ANKIB1: variants seen among roughly 807,000 people sequenced by gnomAD.
The protein encoded by ANKIB1 is ankyrin repeat and IBR domain containing 1, also known as ankyrin repeat and IBR domain-containing protein 1.
A neutral mutation model predicts 122.1 loss-of-function variants in ANKIB1; 43 were observed. The observed-to-expected ratio is 0.35, with a 90% CI of 0.28 to 0.45. The LOEUF is 0.45. ANKIB1 is among the 20% of genes least tolerant of loss of function. The pLI is 1.00. For synonymous variants in ANKIB1, 390 were observed against 442.0 expected (o/e 0.88, Z 1.48); for missense variants, 992 against 1,329.5 (o/e 0.75, Z 3.95).
rs199977126 is a variant in ANKIB1 at position 92,346,891 on chromosome 7, A to G, written c.1085+1825A>G. 2.6e-5 allele frequency among the ~76,000 whole-genome samples: 4 copies of G among 152,342 alleles called. No homozygotes were observed. The East Asian group carries it at 5.8e-4, about 22-fold the overall frequency. ...AAATGTATGGTAAGATTTAAATTTGAAAGATCTAATTATTGGTTTCCTTAG... is the reference window on the plus strand; with the variant it reads ...AAATGTATGGTAAGATTTAAATTTGGAAGATCTAATTATTGGTTTCCTTAG... On this transcript the variant is annotated intron_variant, in intron 7 of 19. Transcript: ENST00000265742.
At chr7:92,365,462 T>G (rs1378919530) in intron 10 of ANKIB1, among the ~76,000 whole-genome samples, 1 of 152,216 alleles carries the variant, frequency 6.6e-6, no homozygotes, top group Non-Finnish European at 1.5e-5. Context: ...ATACAATCAC[T>G]TTAGTGATGC....
intron 7 of ANKIB1, among the ~76,000 whole-genome samples, chr7:92,349,522 T>C (rs1803613679): frequency 6.6e-6 from 1 of 152,188 alleles, no homozygotes; most frequent in African/African-American, 2.4e-5. Context: ...AATCAAAATG[T>C]TGATGGTGAG....
Position 92,398,905 on chromosome 7 carries a change from C to T in ANKIB1, c.3226C>T (p.Pro1076Ser), listed in dbSNP as rs1438468602. ...GDGSDVSSQT[P>S]QTSSDWLEQV... is the part of the protein sequence containing the mutation. The stretch of plus-strand genomic sequence containing the variant: ...TGGTTCAGATGTTTCAAGTCAAACA[C>T]CTCAAACCTCAAGTGACTGGCTTGA... Residue 1076 changes from proline (P) to serine (S), a missense_variant, in exon 20 of 20, where the codon CCT (proline) becomes TCT (serine). Coordinates refer to ENST00000265742, the MANE Select transcript of ANKIB1 (RefSeq NM_019004.2). 5.0e-6 allele frequency: 8 copies of T among 1,599,492 alleles called. No homozygotes were observed. The highest frequency in any genetic ancestry group is 6.8e-6 in the Non-Finnish European group (8 of 1,172,870).
chr7:92,310,140 T>G (rs1469770848), intron 3 of ANKIB1, among the ~76,000 whole-genome samples: 3 of 151,808 alleles, frequency 2.0e-5, no homozygotes, highest in Non-Finnish European at 4.4e-5. Flanking sequence ...AGGTTTATAC[T>G]GTACTATCTG....
chr7:92,254,240 C>T (rs557358604), intron 1 of ANKIB1, among the ~76,000 whole-genome samples: 5 of 152,278 alleles, frequency 3.3e-5, no homozygotes, highest in African/African-American at 1.2e-4. Flanking sequence ...AAATAACATA[C>T]TGTTTTGAGA....
rs1384235117 is a variant in ANKIB1 at position 92,400,389 on chromosome 7, T to G, written c.*1440T>G. 4 of 152,222 alleles carry G rather than the reference T, an allele frequency of 2.6e-5. No individual in the cohort carries two copies. Among genetic ancestry groups the G allele is most frequent in the Non-Finnish European group, 5.9e-5 (4 of 68,038 alleles). The allele number at this position is 152,222 out of a possible 1,614,324, so 9.4% of individuals were successfully genotyped here. ...AAACTGTTGGAATGGCTGTTTTACTTAAATATTATCAAAACTAGCATAACA... is the reference window on the plus strand; with the variant it reads ...AAACTGTTGGAATGGCTGTTTTACTGAAATATTATCAAAACTAGCATAACA... On this transcript the variant is annotated 3_prime_UTR_variant, in exon 20 of 20. Transcript: ENST00000265742.
At chr7:92,307,138 A>T (rs1416757895) in intron 2 of ANKIB1, among the ~76,000 whole-genome samples, 1 of 152,118 alleles carries the variant, frequency 6.6e-6, no homozygotes, top group Non-Finnish European at 1.5e-5. Flanking sequence ...CAAGTAGTAT[A>T]AAGATATTTA....
chr7:92,339,378 A>C (rs1803387368), intron 5 of ANKIB1, among the ~76,000 whole-genome samples: 2 of 151,934 alleles, frequency 1.3e-5, no homozygotes, highest in Non-Finnish European at 2.9e-5. Flanking sequence ...AACCATGTGA[A>C]CCCTATACTT....
Position 92,324,925 on chromosome 7 carries a change from G to T in ANKIB1, c.670-2858G>T, listed in dbSNP as rs189800142. Among the ~76,000 whole-genome samples, 13 of 152,292 alleles carry T rather than the reference G, an allele frequency of 8.5e-5. No homozygotes were observed. The East Asian group carries it at 2.5e-3, about 29-fold the overall frequency. On this transcript the variant is annotated intron_variant, in intron 4 of 19. Transcript: ENST00000265742. ...AAGTGACTACACTCTAGGTGTTTAC[G>T]TTCCAACAGGGAGAGAGAAACACAC... is the stretch of plus-strand genomic sequence containing the variant.
chr7:92,365,775 T>G (rs998094046), intron 10 of ANKIB1, among the ~76,000 whole-genome samples: 1 of 147,254 alleles, frequency 6.8e-6, no homozygotes, highest in African/African-American at 2.5e-5. Context: ...AGTTATAAGA[T>G]ATATTAAATA....
intron 11 of ANKIB1, among the ~76,000 whole-genome samples, chr7:92,377,526 CCTT>C (rs1416692410): frequency 6.6e-6 from 1 of 152,050 alleles, no homozygotes; most frequent in Non-Finnish European, 1.5e-5. Flanking sequence ...GACCAGTAGA[CCTT>C]CTTCATGGAG....
chr7:92,322,110 G>A (rs1357106046), intron 4 of ANKIB1, among the ~76,000 whole-genome samples: 1 of 151,990 alleles, frequency 6.6e-6, no homozygotes, highest in African/African-American at 2.4e-5. Context: ...CCATTATCTT[G>A]CGTCAAACAG....
chr7:92,300,668 T>G (rs1264971504), intron 2 of ANKIB1, among the ~76,000 whole-genome samples: 1 of 152,164 alleles, frequency 6.6e-6, no homozygotes, highest in Non-Finnish European at 1.5e-5. Flanking sequence ...GTCAAGCTAC[T>G]TAACATATTT....
intron 12 of ANKIB1, 105 bp downstream of exon 12, chr7:92,386,748 G>A (rs1804660472): frequency 9.2e-7 from 1 of 1,089,778 alleles, no homozygotes; most frequent in South Asian, 3.1e-5. Flanking sequence ...GTATTAAATT[G>A]AATATACTTT....
chr7:92,287,298 T>C lies in ANKIB1; in HGVS notation c.-90-7591T>C, dbSNP rs567806419. On this transcript the variant is annotated intron_variant, in intron 1 of 19. Transcript: ENST00000265742. ...TAGGGCCCTATATGGCATTTAGTTTTCATTCTCCTTAGTCTCCTTTAAACT... is the reference window on the plus strand; with the variant it reads ...TAGGGCCCTATATGGCATTTAGTTTCCATTCTCCTTAGTCTCCTTTAAACT... Among the ~76,000 whole-genome samples, 4 of 152,368 alleles carry C rather than the reference T, an allele frequency of 2.6e-5. No homozygotes were observed. In the East Asian group the frequency reaches 7.7e-4, roughly 29 times the overall value.
intron 1 of ANKIB1, among the ~76,000 whole-genome samples, chr7:92,274,025 C>T (rs767224605): frequency 2.6e-5 from 4 of 152,156 alleles, no homozygotes; most frequent in South Asian, 2.1e-4. Context: ...CTCCCACCTC[C>T]GGCCTCCCAA....
chr7:92,328,803 CT>C (rs1290199036), intron 5 of ANKIB1, among the ~76,000 whole-genome samples: 1 of 151,280 alleles, frequency 6.6e-6, no homozygotes, highest in Admixed American at 6.6e-5. Flanking sequence ...TTTATATAAT[CT>C]TTTGATCAGA....
chr7:92,288,447 A>G (rs1802181459), intron 1 of ANKIB1, among the ~76,000 whole-genome samples: 1 of 152,208 alleles, frequency 6.6e-6, no homozygotes, highest in Non-Finnish European at 1.5e-5. Flanking sequence ...TAGTATTGCT[A>G]AAAAGAGAGA....
intron 1 of ANKIB1, among the ~76,000 whole-genome samples, chr7:92,274,050 C>T (rs892400273): frequency 1.3e-5 from 2 of 152,148 alleles, no homozygotes; most frequent in Admixed American, 6.5e-5. Flanking sequence ...GTTGGGATTA[C>T]AGGTGTGAAC....
Sources: allele counts gnomAD v4.1 joint callset (sites outside exome capture counted in the v4.1 genomes callset), GRCh38; gene constraint gnomAD v4.1.1; transcripts MANE v1.5; gene names NCBI Gene and HGNC (gene_info 2026-07-23, HGNC 2026-07-21).